The following NRG3 variants were observed in gnomAD, a reference collection of about 807,000 sequenced individuals.
The protein encoded by NRG3 is neuregulin 3.
In NRG3, 31 loss-of-function variants were observed where a neutral mutation model predicts 66.9. The observed-to-expected ratio is 0.46, with a 90% CI of 0.35 to 0.63. The LOEUF (loss-of-function observed/expected upper bound fraction) is 0.63, where lower values mean the gene tolerates loss of function less well. NRG3 is among the 20% of genes least tolerant of loss of function. The pLI, the probability that NRG3 is intolerant of heterozygous loss-of-function variation, is 0.00. For synonymous variants in NRG3, 393 were observed against 359.4 expected (o/e 1.09, Z -1.06); for missense variants, 910 against 878.9 (o/e 1.04, Z -0.45).
intron 1 of NRG3, among the ~76,000 whole-genome samples, chr10:82,117,397 CCACAT>C (rs2067796938): frequency 1.3e-5 from 2 of 152,132 alleles, no homozygotes; most frequent in South Asian, 4.1e-4. Flanking sequence ...TACTCTAAAT[CCACAT>C]CACTCACTCA....
intron 1 of NRG3, among the ~76,000 whole-genome samples, chr10:81,987,110 C>T (rs1448437891): frequency 2.6e-5 from 4 of 151,590 alleles, no homozygotes; most frequent in South Asian, 2.1e-4. Context: ...GGGAGTCTTG[C>T]TCTGCTAGCT....
rs150218393 is a variant in NRG3 at position 82,677,948 on chromosome 10, G to A, written c.954-60629G>A. ...CCCACATGCACAGTGGCCTGCCAGC[G>A]TTTGGAAGGGGCCACATGCACGGTG... On this transcript the variant is annotated intron_variant, in intron 2 of 8. Coordinates refer to ENST00000372141, the MANE Select transcript of NRG3 (RefSeq NM_001010848.4). 7.0e-3 allele frequency among the ~76,000 whole-genome samples: 1,066 copies of A among 152,254 alleles called. 5 individuals are homozygous for A. Among genetic ancestry groups the A allele is most frequent in the Non-Finnish European group, 0.012 (788 of 68,026 alleles).
chr10:82,166,918 A>T (rs1213055213), intron 1 of NRG3: 1 of 515,670 alleles, frequency 1.9e-6, no homozygotes, highest in Non-Finnish European at 3.5e-6. Flanking sequence ...TATTTTAAAG[A>T]TGTGCTTGAC....
chr10:82,126,819 A>T (rs570695799), intron 1 of NRG3, among the ~76,000 whole-genome samples: 1 of 152,042 alleles, frequency 6.6e-6, no homozygotes, highest in Non-Finnish European at 1.5e-5. Context: ...TGGTGTTATC[A>T]TAAGTGCTAG....
intron 2 of NRG3, among the ~76,000 whole-genome samples, chr10:82,461,226 A>ACACCAC (rs377700934): frequency 6.8e-6 from 1 of 147,834 alleles, no homozygotes; most frequent in South Asian, 2.1e-4. Flanking sequence ...ACCACCATCA[A>ACACCAC]CACCACCACC....
chr10:82,412,659 G>A (rs1245337273), intron 2 of NRG3, among the ~76,000 whole-genome samples: 1 of 152,122 alleles, frequency 6.6e-6, no homozygotes, highest in Non-Finnish European at 1.5e-5. Context: ...TTTCTCTGTA[G>A]CATGTGATGT....
chr10:82,529,589 G>A (rs1847060994), intron 2 of NRG3, among the ~76,000 whole-genome samples: 1 of 152,160 alleles, frequency 6.6e-6, no homozygotes, highest in Non-Finnish European at 1.5e-5. Context: ...AAACAGAAGT[G>A]CATGCTTAGA....
intron 1 of NRG3, among the ~76,000 whole-genome samples, chr10:81,972,887 A>G (rs1456729840): frequency 6.6e-6 from 1 of 152,244 alleles, no homozygotes; most frequent in Admixed American, 6.5e-5. Flanking sequence ...TGCATCATTA[A>G]TACAATGTAA....
intron 2 of NRG3, among the ~76,000 whole-genome samples, chr10:82,457,066 G>A (rs1297260348): frequency 1.3e-5 from 2 of 151,922 alleles, no homozygotes; most frequent in South Asian, 2.1e-4. Context: ...CTAGAGCTAC[G>A]TAATCATTCC....
chr10:82,007,216 T>C (rs1432759017), intron 1 of NRG3, among the ~76,000 whole-genome samples: 2 of 148,978 alleles, frequency 1.3e-5, no homozygotes, highest in African/African-American at 2.4e-5. Context: ...CTTTTCTTTT[T>C]TTTTTTTTTT....
intron 1 of NRG3, among the ~76,000 whole-genome samples, chr10:82,278,737 G>C (rs2134409903): frequency 6.6e-6 from 1 of 152,186 alleles, no homozygotes; most frequent in Middle Eastern, 3.4e-3. Flanking sequence ...CTATATCCTT[G>C]ACTGTTTTCA....
At chr10:82,603,100 A>G (rs2047732981) in intron 2 of NRG3, among the ~76,000 whole-genome samples, 1 of 152,174 alleles carries the variant, frequency 6.6e-6, no homozygotes, top group East Asian at 1.9e-4. Context: ...TGTTATTTGT[A>G]TGTACATTAT....
At chr10:82,922,584 G>C (rs1486768024) in intron 4 of NRG3, among the ~76,000 whole-genome samples, 1 of 152,136 alleles carries the variant, frequency 6.6e-6, no homozygotes, top group African/African-American at 2.4e-5. Flanking sequence ...AGATGCACCT[G>C]TGGATGATAG....
intron 2 of NRG3, among the ~76,000 whole-genome samples, chr10:82,456,338 T>G (rs773237889): frequency 6.6e-6 from 1 of 151,956 alleles, no homozygotes; most frequent in Non-Finnish European, 1.5e-5. Context: ...ATTATTATTG[T>G]TATTATTTGG....
intron 1 of NRG3, among the ~76,000 whole-genome samples, chr10:82,197,025 A>G (rs1028789773): frequency 6.6e-6 from 1 of 152,202 alleles, no homozygotes. Context: ...ATGGAAGTCC[A>G]TAAACGCAGT....
At chr10:82,965,888 C>G (rs1851166101) in intron 6 of NRG3, among the ~76,000 whole-genome samples, 1 of 152,150 alleles carries the variant, frequency 6.6e-6, no homozygotes, top group Non-Finnish European at 1.5e-5. Context: ...CTGAGCTACT[C>G]AAGCAATTAA....
intron 1 of NRG3, among the ~76,000 whole-genome samples, chr10:82,316,432 A>G (rs1380834989): frequency 3.9e-5 from 6 of 152,194 alleles, no homozygotes; most frequent in African/African-American, 1.4e-4. Context: ...TATGAAAAAA[A>G]GTAGAAAATT....
intron 2 of NRG3, among the ~76,000 whole-genome samples, chr10:82,644,576 A>G (rs1328780764): frequency 1.3e-5 from 2 of 152,184 alleles, no homozygotes; most frequent in Non-Finnish European, 1.5e-5. Context: ...AGTTCAAAGA[A>G]GAATCCAAGG....
chr10:82,536,177 A>G (rs1419157515), intron 2 of NRG3, among the ~76,000 whole-genome samples: 1 of 152,212 alleles, frequency 6.6e-6, no homozygotes, highest in Non-Finnish European at 1.5e-5. Flanking sequence ...AAGCAGACCT[A>G]TCACTCAGCA....
Sources: gnomAD v4.1 joint callset for allele counts (sites outside exome capture counted in the v4.1 genomes callset) on GRCh38, gnomAD v4.1.1 for gene constraint, MANE v1.5 for transcripts, NCBI Gene and HGNC (gene_info 2026-07-23, HGNC 2026-07-21) for gene names.